GDPD5: variants seen among roughly 807,000 people sequenced by gnomAD.
GDPD5 encodes glycerophosphodiester phosphodiesterase 2.
A neutral mutation model predicts 75.1 loss-of-function variants in GDPD5; 48 were observed. The ratio of observed to expected loss-of-function variants is 0.64; its 90% CI spans 0.51 to 0.81. The LOEUF (loss-of-function observed/expected upper bound fraction) is 0.81. Among genes scored for constraint, GDPD5 ranks in the 40% least tolerant of loss-of-function variants. GDPD5 has a pLI of 0.00. For missense variants in GDPD5, 706 were observed against 822.6 expected (o/e 0.86, Z 1.73); for synonymous variants, 336 against 339.0 (o/e 0.99, Z 0.10).
At chr11:75,456,514 T>A (rs1949288571) in intron 6 of GDPD5, 1 of 562,040 alleles carries the variant, frequency 1.8e-6, no homozygotes, top group Non-Finnish European at 3.2e-6. Flanking sequence ...TACTTCAGTT[T>A]CCCCAACCAC....
At chr11:75,507,449 G>T (rs543899642) in intron 1 of GDPD5, among the ~76,000 whole-genome samples, 1 of 152,378 alleles carries the variant, frequency 6.6e-6, no homozygotes, top group African/African-American at 2.4e-5. Flanking sequence ...GTCACATAGA[G>T]AACTGGTGGC....
chr11:75,515,670 C>T (rs1012420996), intron 1 of GDPD5, among the ~76,000 whole-genome samples: 5 of 152,220 alleles, frequency 3.3e-5, no homozygotes, highest in Admixed American at 2.6e-4. Context: ...CACATCATGG[C>T]CAGCTCTGGG....
chr11:75,501,989 C>T (rs1286474111), intron 1 of GDPD5, among the ~76,000 whole-genome samples: 1 of 152,214 alleles, frequency 6.6e-6, no homozygotes, highest in African/African-American at 2.4e-5. Context: ...TCCCTACACC[C>T]CCAAGTCCAG....
chr11:75,449,448 C>G (rs563109042), intron 8 of GDPD5, 69 bp downstream of exon 8: 2 of 1,437,180 alleles, frequency 1.4e-6, no homozygotes, highest in Non-Finnish European at 9.5e-7. Context: ...AAGCCCAGGT[C>G]GGGGCAGCAC....
At chr11:75,460,703 C>T (rs972723595) in intron 4 of GDPD5, among the ~76,000 whole-genome samples, 34 of 152,112 alleles carry the variant, frequency 2.2e-4, no homozygotes, top group African/African-American at 8.2e-4. Context: ...GCCTTGGCCT[C>T]CCAACGTGCT....
chr11:75,443,162 G>A lies in GDPD5; in HGVS notation c.922C>T (p.Leu308Phe), dbSNP rs755223071. 7 of 1,604,576 alleles carry A rather than the reference G, an allele frequency of 4.4e-6. No individual in the cohort carries two copies. The East Asian group carries it at 1.1e-4, about 26-fold the overall frequency. The change falls in exon 11 of 17, where the codon CTC (leucine) becomes TTC (phenylalanine). Residue 308 changes from leucine (L) to phenylalanine (F), a missense_variant. By Grantham distance (22) the Leu-to-Phe change is conservative. Coordinates refer to ENST00000336898, the MANE Select transcript of GDPD5 (RefSeq NM_030792.8). ...SMLNWTTLQR[L>F]NAGQWFLKTD... Reference sequence around the variant, plus strand: ...TTCAGGAACCACTGGCCAGCGTTGAGTCTCTGCAGGGTGGTCCAGTTAAGC... The same window carrying A: ...TTCAGGAACCACTGGCCAGCGTTGAATCTCTGCAGGGTGGTCCAGTTAAGC...
intron 2 of GDPD5, among the ~76,000 whole-genome samples, chr11:75,480,846 T>G (rs1949898264): frequency 6.6e-6 from 1 of 152,188 alleles, no homozygotes; most frequent in Non-Finnish European, 1.5e-5. Context: ...ATATGAAAAT[T>G]ATATGAAAGT....
intron 8 of GDPD5, 34 bp from the exon 9 acceptor site, chr11:75,449,156 A>G: frequency 6.5e-7 from 1 of 1,545,916 alleles, no homozygotes. Context: ...CTGCCTGGTG[A>G]GCCCTGGGCA....
chr11:75,457,858 T>C, intron 4 of GDPD5, 72 bp from the exon 5 acceptor site: 2 of 1,201,366 alleles, frequency 1.7e-6, no homozygotes, highest in Non-Finnish European at 1.2e-6. Context: ...CAGGATGGTC[T>C]GAGCCTCCAC....
At chr11:75,515,414 C>T (rs1950616670) in intron 1 of GDPD5, among the ~76,000 whole-genome samples, 1 of 152,232 alleles carries the variant, frequency 6.6e-6, no homozygotes, top group Admixed American at 6.5e-5. Flanking sequence ...CCCCACCTAA[C>T]TCCACACCCA....
In GDPD5 at chr11:75,475,351, A is replaced by G. The variant is rs547105879; in HGVS notation, c.117+2268T>C. On this transcript the variant is annotated intron_variant, in intron 3 of 16. Transcript: ENST00000336898. Reference sequence around the variant, plus strand: ...CAGGCTCACTGGAAGAGCCGTCTCCACCACCCCTCAACTCAGGCAGCTCTC... The same window carrying G: ...CAGGCTCACTGGAAGAGCCGTCTCCGCCACCCCTCAACTCAGGCAGCTCTC... Among the ~76,000 whole-genome samples, 6 of 152,128 alleles carry G rather than the reference A, an allele frequency of 3.9e-5. No individual in the cohort carries two copies. The East Asian group carries it at 1.2e-3, about 29-fold the overall frequency.
chr11:75,513,873 G>A (rs1471084825), intron 1 of GDPD5, among the ~76,000 whole-genome samples: 2 of 152,222 alleles, frequency 1.3e-5, no homozygotes, highest in African/African-American at 4.8e-5. Flanking sequence ...TCCTGCTGAG[G>A]ACCTAGAGGG....
chr11:75,437,120 C>A lies in GDPD5; in HGVS notation c.1557-72G>T, dbSNP rs1042957501. ...TTGGAGCAGAGACCCTGCCTACTTC[C>A]AGAGCCTCTCTGGATGTGGCCCAAG... On this transcript the variant is annotated intron_variant, in intron 15 of 16. Transcript: ENST00000336898. 3.8e-5 allele frequency: 42 copies of A among 1,114,294 alleles called. 1 individual carries two copies. The South Asian group carries it at 4.5e-4, about 12-fold the overall frequency. 69.0% of individuals were successfully genotyped at this position (1,114,294 alleles called of 1,614,324 possible).
chr11:75,443,245 C>T lies in GDPD5; in HGVS notation c.839G>A (p.Arg280Gln), dbSNP rs956450520. 1.4e-5 allele frequency: 23 copies of T among 1,609,802 alleles called. No individual in the cohort carries two copies. Among genetic ancestry groups the T allele is most frequent in the East Asian group, 4.5e-5 (2 of 44,738 alleles). Reference protein sequence around the residue: ...VPFLMHDTTLRRTTNVEEEFP... With the variant: ...VPFLMHDTTLQRTTNVEEEFP... ...CTCCTCCTCCACGTTGGTGGTGCGC[C>T]GCAGGGTGGTGTCATGCATGAGGAA... The change falls in exon 11 of 17, where the codon CGG becomes CAG. Residue 280 changes from arginine to glutamine, a missense_variant. Arg to Gln is a conservative substitution (Grantham distance 43, BLOSUM62 1). Transcript: ENST00000336898.
At chr11:75,467,194 C>A (rs1949534580) in intron 3 of GDPD5, among the ~76,000 whole-genome samples, 3 of 152,238 alleles carry the variant, frequency 2.0e-5, no homozygotes, top group Admixed American at 6.5e-5. Flanking sequence ...AGAGCTGGCT[C>A]TGCCACTCAG....
At chr11:75,465,475 T>C (rs759209958) in intron 3 of GDPD5, among the ~76,000 whole-genome samples, 29 of 152,158 alleles carry the variant, frequency 1.9e-4, no homozygotes, top group Non-Finnish European at 3.5e-4. Context: ...ACTGTCTCTA[T>C]ACATGTCGGT....
At chr11:75,501,393 G>C (rs577933548) in intron 1 of GDPD5, among the ~76,000 whole-genome samples, 10 of 152,198 alleles carry the variant, frequency 6.6e-5, no homozygotes, top group African/African-American at 2.2e-4. Flanking sequence ...ACATATTCAC[G>C]GACAGACACA....
Position 75,435,199 on chromosome 11 carries a change from C to T in GDPD5, c.*308G>A, listed in dbSNP as rs1204591647. 5 of 285,228 alleles carry T rather than the reference C, an allele frequency of 1.8e-5. No individual in the cohort carries two copies. Among genetic ancestry groups the T allele is most frequent in the Non-Finnish European group, 2.6e-5 (4 of 151,362 alleles). The allele number at this position is 285,228 out of a possible 1,614,324, so 17.7% of individuals were successfully genotyped here. A position where few individuals can be genotyped will look rare whatever the true frequency, so the allele number is the denominator to read the frequency against. On this transcript the variant is annotated 3_prime_UTR_variant, in exon 17 of 17. Transcript: ENST00000336898. ...AGGGGGTATGGCATGGCCCATGACC[C>T]ATCAAAGCTTCCAGGTCGGGATACA...
At chr11:75,482,205 T>G (rs560720940) in intron 2 of GDPD5, among the ~76,000 whole-genome samples, 2 of 152,122 alleles carry the variant, frequency 1.3e-5, no homozygotes, top group African/African-American at 4.8e-5. Flanking sequence ...TAGAAGTGCA[T>G]GCGTCATGCC....
Sources: gnomAD v4.1 joint callset for allele counts (sites outside exome capture counted in the v4.1 genomes callset) on GRCh38, gnomAD v4.1.1 for gene constraint, MANE v1.5 for transcripts, NCBI Gene and HGNC (gene_info 2026-07-23, HGNC 2026-07-21) for gene names.